Variants in DOP1B observed in about 807,000 individuals in gnomAD.
The protein encoded by DOP1B is protein DOP1B.
DOP1B carries 174 observed loss-of-function variants against 233.5 expected under a neutral mutation model. The ratio of observed to expected loss-of-function variants is 0.75; its 90% CI spans 0.66 to 0.85. The LOEUF is 0.85. DOP1B is among the 40% of genes least tolerant of loss of function. DOP1B has a pLI of 0.00. For missense variants in DOP1B, 2,652 were observed against 2,846.6 expected (o/e 0.93, Z 1.56); for synonymous variants, 1,190 against 1,185.6 (o/e 1.00, Z -0.08).
chr21:36,275,593 T>C (rs1415224585), intron 27 of DOP1B, among the ~76,000 whole-genome samples: 4 of 144,142 alleles, frequency 2.8e-5, no homozygotes, highest in African/African-American at 1.0e-4. Context: ...TACTCCAGCC[T>C]GGGCAACAAA....
In DOP1B at chr21:36,293,804, G is replaced by A; in HGVS notation, c.*233G>A. ...TCGAGACCAGCCTGACCAACATGGT[G>A]AGACCCTGTCTCTACTAAAAATACA... On this transcript the variant is annotated 3_prime_UTR_variant, in exon 37 of 37. Coordinates refer to ENST00000691173, the MANE Select transcript of DOP1B (RefSeq NM_001320714.2). The A allele has an allele frequency of 2.2e-6, 1 of 451,488 alleles. No homozygotes were observed. The highest frequency in any genetic ancestry group is 4.0e-6 in the Non-Finnish European group (1 of 247,454). 28.0% of individuals were successfully genotyped at this position (451,488 alleles called of 1,614,324 possible). A position where few individuals can be genotyped will look rare whatever the true frequency, so the allele number is the denominator to read the frequency against.
chr21:36,159,294 A>G (rs2065849043), intron 1 of DOP1B, among the ~76,000 whole-genome samples: 2 of 151,624 alleles, frequency 1.3e-5, no homozygotes, highest in African/African-American at 4.9e-5. Flanking sequence ...TCTACTAAAA[A>G]TACAAAATTA....
intron 28 of DOP1B, among the ~76,000 whole-genome samples, chr21:36,277,517 G>A (rs928443922): frequency 2.0e-5 from 3 of 151,968 alleles, no homozygotes; most frequent in South Asian, 4.2e-4. Context: ...TCCTGACCTC[G>A]TGATCCACCC....
At chr21:36,190,009 CAAAA>C (rs541833307) in intron 2 of DOP1B, among the ~76,000 whole-genome samples, 1 of 105,844 alleles carries the variant, frequency 9.4e-6, no homozygotes, top group African/African-American at 3.3e-5. Context: ...TACTCCGTCT[CAAAA>C]AAAAAAAAAA....
Position 36,246,517 on chromosome 21 carries a change from T to A in DOP1B, c.4537T>A (p.Tyr1513Asn). Residue 1513 changes from tyrosine (Y) to asparagine (N), a missense_variant, in exon 19 of 37, where the codon TAC (tyrosine) becomes AAC (asparagine). Coordinates refer to ENST00000691173, the MANE Select transcript of DOP1B (RefSeq NM_001320714.2). The surrounding 1 kb of genome is among the most constrained non-coding windows in gnomAD (Gnocchi z 5.1). ...GAGGGGTCTGCAGCCCGCCTACGGT[T>A]ACGGCATGCATCCGGCCTGGGTGAG... ...VVRGLQPAYG[Y>N]GMHPAWVSLV... The A allele has an allele frequency of 6.2e-7, 1 of 1,614,182 alleles. No homozygotes were observed. Among genetic ancestry groups the A allele is most frequent in the Non-Finnish European group, 8.5e-7 (1 of 1,180,036 alleles).
chr21:36,228,321 G>A (rs553721052), intron 13 of DOP1B, among the ~76,000 whole-genome samples: 11 of 152,160 alleles, frequency 7.2e-5, no homozygotes, highest in African/African-American at 2.2e-4. Flanking sequence ...AAATTAGCCA[G>A]GCATGGTGGC....
intron 4 of DOP1B, 23 bp downstream of exon 4, chr21:36,200,524 C>T: frequency 6.3e-7 from 1 of 1,586,396 alleles, no homozygotes; most frequent in Non-Finnish European, 8.6e-7. Flanking sequence ...CTTGTCCAGG[C>T]TGTGTTTACT....
intron 23 of DOP1B, among the ~76,000 whole-genome samples, chr21:36,254,947 C>CTTT (rs35630827): frequency 1.1e-4 from 14 of 127,664 alleles, no homozygotes; most frequent in Admixed American, 1.7e-4. Context: ...ATTTGTGTAA[C>CTTT]TTTTTTTTTT....
intron 35 of DOP1B, among the ~76,000 whole-genome samples, chr21:36,290,956 C>T (rs1430960201): frequency 2.0e-5 from 3 of 150,960 alleles, no homozygotes; most frequent in Non-Finnish European, 3.0e-5. Context: ...GGCAACAGAG[C>T]GAGACTCCCC....
At position 36,253,755 on chromosome 21, in the gene DOP1B, T is replaced by A; in HGVS notation, c.5122-17T>A. The A allele has an allele frequency of 2.5e-6, 4 of 1,601,346 alleles. No homozygotes were observed. The highest frequency in any genetic ancestry group is 3.4e-6 in the Non-Finnish European group (4 of 1,172,636). On this transcript the variant is annotated splice_polypyrimidine_tract_variant and intron_variant, in intron 22 of 36. Coordinates refer to ENST00000691173, the MANE Select transcript of DOP1B (RefSeq NM_001320714.2). ...TCTCTCTATAAGCTTTCAAGGAACT[T>A]TTTTTTTTCTTGGCAGATTATCCCA...
At chr21:36,262,362 G>A (rs1220675086) in intron 24 of DOP1B, among the ~76,000 whole-genome samples, 1 of 152,180 alleles carries the variant, frequency 6.6e-6, no homozygotes, top group Non-Finnish European at 1.5e-5. Flanking sequence ...GTAGTAAGTT[G>A]GAGAACCAGG....
intron 12 of DOP1B, among the ~76,000 whole-genome samples, chr21:36,226,720 A>G (rs942489941): frequency 3.9e-5 from 6 of 152,052 alleles, no homozygotes; most frequent in African/African-American, 1.4e-4. Flanking sequence ...CAGCCTCCCA[A>G]GTGTCTGAGA....
intron 4 of DOP1B, among the ~76,000 whole-genome samples, chr21:36,207,953 G>A (rs777286061): frequency 3.9e-5 from 6 of 152,180 alleles, no homozygotes; most frequent in Admixed American, 6.5e-5. Context: ...CTTGGTCAGC[G>A]TCAGGGGAAA....
intron 36 of DOP1B, among the ~76,000 whole-genome samples, chr21:36,292,940 A>G (rs888854144): frequency 6.6e-6 from 1 of 151,904 alleles, no homozygotes; most frequent in Non-Finnish European, 1.5e-5. Context: ...AATTATATTC[A>G]TGAGGCTGGT....
chr21:36,191,775 A>G (rs919633101), intron 2 of DOP1B, among the ~76,000 whole-genome samples: 3 of 141,760 alleles, frequency 2.1e-5, no homozygotes, highest in African/African-American at 8.1e-5. Context: ...ACAGAGTAAG[A>G]CTCTGTCTCA....
At chr21:36,172,034 C>CA (rs1285573074) in intron 2 of DOP1B, among the ~76,000 whole-genome samples, 2 of 152,082 alleles carry the variant, frequency 1.3e-5, no homozygotes. Context: ...GACAGCGTGA[C>CA]CTTAAAGCAG....
intron 22 of DOP1B, among the ~76,000 whole-genome samples, chr21:36,252,161 A>AGC (rs2067038769): frequency 2.7e-5 from 4 of 147,148 alleles, no homozygotes; most frequent in African/African-American, 1.0e-4. Flanking sequence ...TGGGCGACAA[A>AGC]GCAAGTCCCT....
intron 2 of DOP1B, among the ~76,000 whole-genome samples, chr21:36,185,036 C>G (rs754096522): frequency 6.6e-5 from 10 of 152,090 alleles, no homozygotes; most frequent in Non-Finnish European, 1.3e-4. Flanking sequence ...AGACTGTGTC[C>G]CGAAGGCGTT....
intron 15 of DOP1B, among the ~76,000 whole-genome samples, chr21:36,236,934 G>A (rs1411805889): frequency 1.3e-5 from 2 of 151,802 alleles, no homozygotes; most frequent in African/African-American, 2.4e-5. Context: ...ACAGGTGCCC[G>A]CCGCCACACC....
Sources: gnomAD v4.1 joint callset for allele counts (sites outside exome capture counted in the v4.1 genomes callset) on GRCh38, gnomAD v4.1.1 for gene constraint, Gnocchi (gnomAD v3.1) non-coding constraint, MANE v1.5 for transcripts, NCBI Gene and HGNC (gene_info 2026-07-23, HGNC 2026-07-21) for gene names.